Variants in EYS observed in about 807,000 individuals in gnomAD.
EYS encodes the protein protein eyes shut homolog.
A neutral mutation model predicts 282.1 loss-of-function variants in EYS; 250 were observed. The ratio of observed to expected loss-of-function variants is 0.89; its 90% CI spans 0.80 to 0.98. The LOEUF is 0.98. Among genes scored for constraint, EYS ranks in the 50% least tolerant of loss-of-function variants. The pLI is 0.00. For synonymous variants in EYS, 1,355 were observed against 1,282.9 expected (o/e 1.06, Z -1.20); for missense variants, 4,016 against 3,709.0 (o/e 1.08, Z -2.15).
intron 26 of EYS, among the ~76,000 whole-genome samples, chr6:64,460,527 CAT>C (rs1434762268): frequency 6.6e-6 from 1 of 152,200 alleles, no homozygotes. Flanking sequence ...TAGAGAGTCA[CAT>C]AGATTCCTTA....
At chr6:63,811,075 CA>C (rs1479197328) in intron 36 of EYS, among the ~76,000 whole-genome samples, 1 of 152,120 alleles carries the variant, frequency 6.6e-6, no homozygotes, top group East Asian at 1.9e-4. Context: ...CAGGAGTTAC[CA>C]AATTATTCTT....
chr6:65,171,475 T>G (rs534485080), intron 12 of EYS, among the ~76,000 whole-genome samples: 1 of 151,536 alleles, frequency 6.6e-6, no homozygotes, highest in Non-Finnish European at 1.5e-5. Flanking sequence ...TTCATACTTA[T>G]GAAGTTAAAC....
intron 35 of EYS, among the ~76,000 whole-genome samples, chr6:63,956,804 C>A (rs1765844899): frequency 6.6e-6 from 1 of 152,150 alleles, no homozygotes; most frequent in Non-Finnish European, 1.5e-5. Context: ...TTAGCCAGCA[C>A]TTGCCAAAAA....
intron 22 of EYS, among the ~76,000 whole-genome samples, chr6:64,741,592 T>C (rs1017627804): frequency 2.0e-5 from 3 of 152,250 alleles, no homozygotes; most frequent in Admixed American, 2.0e-4. Context: ...CTATTTTATC[T>C]ACATTGCAAA....
intron 28 of EYS, among the ~76,000 whole-genome samples, chr6:64,413,710 C>T (rs1017516530): frequency 1.6e-4 from 24 of 152,152 alleles, no homozygotes; most frequent in Admixed American, 1.6e-3. Flanking sequence ...ACTGCTGTAC[C>T]ATGCCACAAA....
At chr6:64,391,880 C>T (rs1773163505) in intron 28 of EYS, among the ~76,000 whole-genome samples, 2 of 152,080 alleles carry the variant, frequency 1.3e-5, no homozygotes, top group South Asian at 4.1e-4. Flanking sequence ...TCAGAAAACC[C>T]ATCTCATGTG....
chr6:64,905,216 A>G (rs1353563604), intron 16 of EYS, among the ~76,000 whole-genome samples: 3 of 152,248 alleles, frequency 2.0e-5, no homozygotes, highest in Non-Finnish European at 4.4e-5. Context: ...CCCATTTTTA[A>G]GCAATACATG....
intron 12 of EYS, among the ~76,000 whole-genome samples, chr6:65,081,860 G>A (rs978391092): frequency 1.3e-5 from 2 of 151,998 alleles, no homozygotes; most frequent in African/African-American, 4.8e-5. Context: ...TCTTCTAAAT[G>A]TATCCTAATG....
intron 37 of EYS, among the ~76,000 whole-genome samples, chr6:63,799,154 C>A (rs1369682915): frequency 6.6e-6 from 1 of 151,142 alleles, no homozygotes; most frequent in Non-Finnish European, 1.5e-5. Context: ...GCTGGGATTA[C>A]AGGTGCCTGC....
intron 1 of EYS, among the ~76,000 whole-genome samples, chr6:65,700,662 T>C (rs183182876): frequency 1.3e-5 from 2 of 152,266 alleles, no homozygotes; most frequent in Admixed American, 6.5e-5. Flanking sequence ...GTGTCAGAAA[T>C]TGGAATGCAC....
At chr6:63,736,682 C>T (rs185775829) in intron 41 of EYS, among the ~76,000 whole-genome samples, 130 of 152,086 alleles carry the variant, frequency 8.5e-4, no homozygotes, top group Middle Eastern at 3.4e-3. Flanking sequence ...TTGGGCAGTA[C>T]GGCCATTTTC....
At chr6:64,936,099 C>T (rs1161885756) in intron 15 of EYS, among the ~76,000 whole-genome samples, 1 of 151,436 alleles carries the variant, frequency 6.6e-6, no homozygotes, top group East Asian at 1.9e-4. Context: ...ACATTATGAC[C>T]AATTGGGACA....
At chr6:65,248,202 T>C (rs957919994) in intron 12 of EYS, among the ~76,000 whole-genome samples, 1 of 152,140 alleles carries the variant, frequency 6.6e-6, no homozygotes, top group African/African-American at 2.4e-5. Flanking sequence ...TATTTTATTT[T>C]ACATTGAGAT....
intron 33 of EYS, among the ~76,000 whole-genome samples, chr6:64,015,662 G>A (rs1768856396): frequency 6.6e-6 from 1 of 152,188 alleles, no homozygotes. Context: ...AGGTGATGGT[G>A]AGGTGAAGGT....
intron 22 of EYS, among the ~76,000 whole-genome samples, chr6:64,647,851 C>T (rs910267745): frequency 2.6e-5 from 4 of 152,002 alleles, no homozygotes; most frequent in Non-Finnish European, 5.9e-5. Context: ...ATTTAACCTC[C>T]AGTTGGTGAT....
chr6:65,429,039 G>A (rs1003130691), intron 5 of EYS, among the ~76,000 whole-genome samples: 1 of 152,086 alleles, frequency 6.6e-6, no homozygotes, highest in African/African-American at 2.4e-5. Context: ...AATTAGCCGG[G>A]CATGGTGGCA....
intron 22 of EYS, among the ~76,000 whole-genome samples, chr6:64,788,372 A>G (rs545966035): frequency 6.6e-6 from 1 of 152,062 alleles, no homozygotes. Context: ...GTGGACCTTC[A>G]ACACTCAGTG....
intron 14 of EYS, among the ~76,000 whole-genome samples, chr6:64,989,269 T>A (rs2150121283): frequency 6.7e-6 from 1 of 150,010 alleles, no homozygotes; most frequent in East Asian, 2.0e-4. Context: ...GACTTTTGGT[T>A]TTAAAGAGCA....
At chr6:64,199,810 T>A (rs962458797) in intron 31 of EYS, among the ~76,000 whole-genome samples, 3 of 152,074 alleles carry the variant, frequency 2.0e-5, no homozygotes, top group Non-Finnish European at 2.9e-5. Flanking sequence ...CCAACAAACA[T>A]ATGAAAAAAA....
Sources: allele counts gnomAD v4.1 joint callset (sites outside exome capture counted in the v4.1 genomes callset), GRCh38; gene constraint gnomAD v4.1.1; transcripts MANE v1.5; gene names NCBI Gene and HGNC (gene_info 2026-07-23, HGNC 2026-07-21).